Variants in CAMSAP2 observed in about 807,000 individuals in gnomAD.
CAMSAP2 encodes calmodulin regulated spectrin associated protein family member 2.
Under a neutral mutation model 146.1 loss-of-function variants are expected in CAMSAP2, and 26 were observed. The ratio of observed to expected loss-of-function variants is 0.18; its 90% CI spans 0.13 to 0.25. The LOEUF (loss-of-function observed/expected upper bound fraction) is 0.25. Among genes scored for constraint, CAMSAP2 ranks in the 10% least tolerant of loss-of-function variants. The probability of loss-of-function intolerance (pLI) is 1.00; values close to 1 mark genes in which losing one functional copy is unlikely to be tolerated. For synonymous variants in CAMSAP2, 499 were observed against 596.6 expected, an observed-to-expected ratio of 0.84 and a Z score of 2.38; for missense variants, 1,381 against 1,759.3, an observed-to-expected ratio of 0.78 and a Z score of 3.85.
chr1:200,745,189 A>G (rs1664287296), intron 1 of CAMSAP2, among the ~76,000 whole-genome samples: 1 of 152,046 alleles, frequency 6.6e-6, no homozygotes, highest in African/African-American at 2.4e-5. Context: ...TGTCCTGTGC[A>G]TTCTAGGATT....
At chr1:200,742,352 T>A (rs1664205456) in intron 1 of CAMSAP2, among the ~76,000 whole-genome samples, 1 of 152,206 alleles carries the variant, frequency 6.6e-6, no homozygotes, top group Non-Finnish European at 1.5e-5. Context: ...TGGCAGCAGT[T>A]GGAATGGATG....
intron 4 of CAMSAP2, among the ~76,000 whole-genome samples, chr1:200,817,324 G>C (rs1051724869): frequency 5.4e-5 from 8 of 147,188 alleles, no homozygotes; most frequent in Non-Finnish European, 1.1e-4. Flanking sequence ...GTTCTGTGAA[G>C]AAAGAAGAAA....
chr1:200,848,554 G>A lies in CAMSAP2; in HGVS notation c.1785G>A (p.Thr595=), dbSNP rs746954050. 6.9e-5 allele frequency: 112 copies of A among 1,613,962 alleles called. No individual in the cohort carries two copies. In the Admixed American group the frequency reaches 1.4e-3, roughly 21 times the overall value. The change falls in exon 11 of 17, where the codon ACG becomes ACA. Residue 595 remains threonine (T), a synonymous_variant. Coordinates refer to ENST00000358823, the MANE Select transcript of CAMSAP2 (RefSeq NM_203459.4). ...NQSSPDNVTD[T]KGALSPITDN... is the part of the protein sequence containing the mutation. ...CTAGTCCTGATAATGTAACTGATAC[G>A]AAAGGTGCCTTGAGTCCCATAACTG...
At chr1:200,798,261 A>T (rs1665940472) in intron 2 of CAMSAP2, among the ~76,000 whole-genome samples, 1 of 142,462 alleles carries the variant, frequency 7.0e-6, no homozygotes, top group Non-Finnish European at 1.5e-5. Flanking sequence ...CTTGGGCAGT[A>T]TGGCCATTTT....
chr1:200,773,499 C>T (rs534827156), intron 2 of CAMSAP2, among the ~76,000 whole-genome samples: 1 of 152,236 alleles, frequency 6.6e-6, no homozygotes, highest in African/African-American at 2.4e-5. Flanking sequence ...TCACATGATC[C>T]GCCTGCCTCA....
intron 8 of CAMSAP2, among the ~76,000 whole-genome samples, chr1:200,846,859 C>T (rs901743080): frequency 4.6e-5 from 7 of 152,060 alleles, no homozygotes; most frequent in African/African-American, 1.7e-4. Context: ...GTTTATTATA[C>T]CTATAGTTTT....
intron 6 of CAMSAP2, among the ~76,000 whole-genome samples, chr1:200,841,394 G>C (rs773207096): frequency 4.0e-4 from 61 of 152,050 alleles, no homozygotes; most frequent in Admixed American, 2.7e-3. Flanking sequence ...TTACAGGCAC[G>C]CGCCACCACA....
chr1:200,759,862 G>C (rs1664753035), intron 1 of CAMSAP2, among the ~76,000 whole-genome samples: 1 of 152,214 alleles, frequency 6.6e-6, no homozygotes, highest in Non-Finnish European at 1.5e-5. Context: ...GGTAAGAAAT[G>C]GAGAGGAGGA....
At chr1:200,824,634 A>G (rs1324321900) in intron 4 of CAMSAP2, among the ~76,000 whole-genome samples, 1 of 152,142 alleles carries the variant, frequency 6.6e-6, no homozygotes, top group Non-Finnish European at 1.5e-5. Context: ...GCTCAGTCCT[A>G]CAATACATAT....
In CAMSAP2 at chr1:200,773,453, C is replaced by T. The variant is rs368531369; in HGVS notation, c.399+12355C>T. On this transcript the variant is annotated intron_variant, in intron 2 of 16. Coordinates refer to ENST00000358823, the MANE Select transcript of CAMSAP2 (RefSeq NM_203459.4). ...TGTATTTTTAGTAGAGACGGCGTTTCGCCATGTTAGCCAGGCTGGTCTCGA... is the reference window on the plus strand; with the variant it reads ...TGTATTTTTAGTAGAGACGGCGTTTTGCCATGTTAGCCAGGCTGGTCTCGA... 3.9e-5 allele frequency among the ~76,000 whole-genome samples: 6 copies of T among 152,020 alleles called. 1 individual carries two copies. The highest frequency in any genetic ancestry group is 1.2e-4 in the African/African-American group (5 of 41,392).
rs544644106 is a variant in CAMSAP2 at position 200,820,347 on chromosome 1, C to T, written c.645+4703C>T. Reference sequence around the variant, plus strand: ...CTGGGATTATAGGTATGAGACACCACCCCAGCCAATGTTTCTCAAAGTATT... The same window carrying T: ...CTGGGATTATAGGTATGAGACACCATCCCAGCCAATGTTTCTCAAAGTATT... On this transcript the variant is annotated intron_variant, in intron 4 of 16. Coordinates refer to ENST00000358823, the MANE Select transcript of CAMSAP2 (RefSeq NM_203459.4). Among the ~76,000 whole-genome samples the T allele has an allele frequency of 1.9e-3, 285 of 152,212 alleles. 1 individual carries two copies. Among genetic ancestry groups the T allele is most frequent in the Middle Eastern group, 0.01 (3 of 294 alleles).
intron 2 of CAMSAP2, among the ~76,000 whole-genome samples, chr1:200,784,641 T>C (rs894018941): frequency 6.6e-6 from 1 of 152,202 alleles, no homozygotes; most frequent in Non-Finnish European, 1.5e-5. Context: ...TCCTAGTATG[T>C]TTTTGTGGAT....
intron 2 of CAMSAP2, among the ~76,000 whole-genome samples, chr1:200,796,414 T>C (rs570167793): frequency 6.6e-6 from 1 of 152,258 alleles, no homozygotes; most frequent in East Asian, 1.9e-4. Context: ...TCCTCCTACT[T>C]TGTTCCCTTT....
At chr1:200,767,173 A>G (rs188200752) in intron 2 of CAMSAP2, among the ~76,000 whole-genome samples, 1 of 152,212 alleles carries the variant, frequency 6.6e-6, no homozygotes, top group East Asian at 1.9e-4. Flanking sequence ...TCTACTAAAA[A>G]TACAAAAAAA....
chr1:200,822,243 A>C (rs1666792017), intron 4 of CAMSAP2, among the ~76,000 whole-genome samples: 1 of 152,058 alleles, frequency 6.6e-6, no homozygotes, highest in Non-Finnish European at 1.5e-5. Flanking sequence ...TAATACTTCA[A>C]TATATATTTC....
Position 200,769,537 on chromosome 1 carries a change from C to T in CAMSAP2, c.399+8439C>T, listed in dbSNP as rs977039987. On this transcript the variant is annotated intron_variant, in intron 2 of 16. Transcript: ENST00000358823. ...CCCACCACCACACCAGTCACAAGTC[C>T]AGGCCTCCGGTACTTCTCACTGACC... 6.6e-5 allele frequency among the ~76,000 whole-genome samples: 10 copies of T among 152,262 alleles called. No homozygotes were observed. In the South Asian group the frequency reaches 1.2e-3, roughly 19 times the overall value.
intron 2 of CAMSAP2, among the ~76,000 whole-genome samples, chr1:200,766,840 G>C (rs1571731614): frequency 1.3e-5 from 2 of 152,218 alleles, no homozygotes; most frequent in South Asian, 2.1e-4. Context: ...TTGAAATCTT[G>C]GTAATTTGCC....
At chr1:200,830,270 T>C (rs1456514571) in intron 4 of CAMSAP2, among the ~76,000 whole-genome samples, 1 of 152,202 alleles carries the variant, frequency 6.6e-6, no homozygotes, top group Admixed American at 6.5e-5. Flanking sequence ...GTCTAAACCA[T>C]AGATACTTAT....
rs762649362 is a variant in CAMSAP2, at chr1:200,853,058, TTTTA to T, written c.3603-205_3603-202del. 2.5e-4 allele frequency among the ~76,000 whole-genome samples: 38 copies of T among 151,882 alleles called. No individual in the cohort carries two copies. The highest frequency in any genetic ancestry group is 5.0e-4 in the Non-Finnish European group (34 of 67,926). ...CCTAAATTATCTCAAATACCTTTAT[TTTTA>T]TTTATTTATTTGACTCTTCCTTCCC... On this transcript the variant is annotated intron_variant, in intron 12 of 16. Coordinates refer to ENST00000358823, the MANE Select transcript of CAMSAP2 (RefSeq NM_203459.4). This position sits in a 1 kb window ranked among gnomAD's most constrained non-coding sequence, Gnocchi z 5.1.
Sources: allele counts gnomAD v4.1 joint callset (sites outside exome capture counted in the v4.1 genomes callset), GRCh38; gene constraint gnomAD v4.1.1; non-coding constraint Gnocchi (gnomAD v3.1); transcripts MANE v1.5; gene names NCBI Gene and HGNC (gene_info 2026-07-23, HGNC 2026-07-21).